Variants in ADAM10 observed in about 807,000 individuals in gnomAD.
ADAM10 encodes the protein disintegrin and metalloproteinase domain-containing protein 10.
In ADAM10, 17 loss-of-function variants were observed where a neutral mutation model predicts 90.1. That is an observed-to-expected ratio of 0.19 (90% CI 0.13 to 0.28). The LOEUF (loss-of-function observed/expected upper bound fraction) is 0.28. Ranked by LOEUF, ADAM10 falls within the 10% of genes least tolerant of loss-of-function variation. The pLI is 1.00. For synonymous variants in ADAM10, 310 were observed against 298.6 expected, an observed-to-expected ratio of 1.04 and a Z score of -0.40; for missense variants, 610 against 914.3, an observed-to-expected ratio of 0.67 and a Z score of 4.29.
At chr15:58,678,976 C>G in intron 4 of ADAM10, 148 bp downstream of exon 4, 1 of 764,468 alleles carries the variant, frequency 1.3e-6, no homozygotes, top group Non-Finnish European at 2.1e-6. Flanking sequence ...ATCTACTATT[C>G]CTTAAATAGC....
chr15:58,698,375 C>G (rs1276333489), intron 2 of ADAM10: 5 of 349,874 alleles, frequency 1.4e-5, no homozygotes, highest in African/African-American at 2.4e-5. Flanking sequence ...AGTTTGAGAC[C>G]AGCCTGGGCA....
intron 4 of ADAM10, among the ~76,000 whole-genome samples, chr15:58,675,900 G>A (rs574983672): frequency 5.1e-4 from 77 of 152,150 alleles, no homozygotes; most frequent in African/African-American, 1.8e-3. Flanking sequence ...CTTCTTTTTG[G>A]TAAGGATAAC....
At chr15:58,693,991 G>A (rs1328235326) in intron 2 of ADAM10, among the ~76,000 whole-genome samples, 7 of 152,172 alleles carry the variant, frequency 4.6e-5, no homozygotes, top group Non-Finnish European at 7.4e-5. Flanking sequence ...ACAAAGAAAT[G>A]TAAATCAGAA....
At chr15:58,665,326 GA>G in intron 4 of ADAM10, 129 bp from the exon 5 acceptor site, 1 of 772,634 alleles carries the variant, frequency 1.3e-6, no homozygotes, top group Non-Finnish European at 2.2e-6. Flanking sequence ...AGCACCTATG[GA>G]AAAGGCATTA....
At chr15:58,699,367 G>T (rs1416878921) in intron 2 of ADAM10, among the ~76,000 whole-genome samples, 1 of 152,160 alleles carries the variant, frequency 6.6e-6, no homozygotes. Context: ...AAGCTAACTG[G>T]TAGAGCAGAT....
intron 2 of ADAM10, among the ~76,000 whole-genome samples, chr15:58,682,783 G>A (rs546219113): frequency 1.3e-5 from 2 of 152,092 alleles, no homozygotes; most frequent in Non-Finnish European, 2.9e-5. Context: ...TTCTCAGAAA[G>A]ACAAGTGTGT....
intron 5 of ADAM10, among the ~76,000 whole-genome samples, chr15:58,647,486 G>A (rs1022989192): frequency 2.6e-5 from 4 of 151,330 alleles, no homozygotes; most frequent in Non-Finnish European, 5.9e-5. Flanking sequence ...AGATGGTCTC[G>A]ATCTCCTGAC....
At chr15:58,604,131 G>A (rs752684696) in intron 14 of ADAM10, among the ~76,000 whole-genome samples, 7 of 152,098 alleles carry the variant, frequency 4.6e-5, no homozygotes, top group African/African-American at 7.2e-5. Flanking sequence ...GGAAGCCGGG[G>A]CGGGTGGATC....
At position 58,617,769 on chromosome 15, in the gene ADAM10, T is replaced by C. The variant is rs1428404683; in HGVS notation, c.1511+3702A>G. ...AGTTGTGTTTCTATATACAAGAAAA[T>C]AGCAGAAAATCAATCTCATTTATAA... On this transcript the variant is annotated intron_variant, in intron 11 of 15. Transcript: ENST00000260408. Among the ~76,000 whole-genome samples, 3 of 151,450 alleles carry C rather than the reference T, an allele frequency of 2.0e-5. No homozygotes were observed. The East Asian group carries it at 5.8e-4, about 29-fold the overall frequency.
chr15:58,729,887 A>T (rs571872309), intron 1 of ADAM10, among the ~76,000 whole-genome samples: 2 of 151,464 alleles, frequency 1.3e-5, no homozygotes, highest in Non-Finnish European at 2.9e-5. Context: ...GCTTGAACCC[A>T]GGAGGCGGAG....
At chr15:58,731,520 C>G (rs1899240249) in intron 1 of ADAM10, among the ~76,000 whole-genome samples, 1 of 152,036 alleles carries the variant, frequency 6.6e-6, no homozygotes, top group Non-Finnish European at 1.5e-5. Flanking sequence ...CCCAGCTGCT[C>G]AAGAGGCTGA....
At chr15:58,719,902 A>G (rs1444747111) in intron 1 of ADAM10, among the ~76,000 whole-genome samples, 1 of 152,192 alleles carries the variant, frequency 6.6e-6, no homozygotes, top group African/African-American at 2.4e-5. Context: ...AATATTAGAG[A>G]GCCTACCAAA....
At chr15:58,728,235 AAAG>A (rs1899106197) in intron 1 of ADAM10, among the ~76,000 whole-genome samples, 1 of 152,232 alleles carries the variant, frequency 6.6e-6, no homozygotes, top group Non-Finnish European at 1.5e-5. Flanking sequence ...TTCATGGGTC[AAAG>A]AAGAAATCAA....
chr15:58,589,150 A>C lies in ADAM10; in HGVS notation c.*8397T>G, dbSNP rs538844730. 2 of 152,232 alleles carry C rather than the reference A, an allele frequency of 1.3e-5. No homozygotes were observed. Among genetic ancestry groups the C allele is most frequent in the African/African-American group, 4.8e-5 (2 of 41,468 alleles). 9.4% of individuals were successfully genotyped at this position (152,232 alleles called of 1,614,324 possible). ...ATTTACAAAGCACACAACAAAACAAATGTTTATTGAACACCTACTATAGCC... is the reference window on the plus strand; with the variant it reads ...ATTTACAAAGCACACAACAAAACAACTGTTTATTGAACACCTACTATAGCC... On this transcript the variant is annotated 3_prime_UTR_variant, in exon 16 of 16. Transcript: ENST00000260408.
At chr15:58,613,539 A>G (rs1253727086) in intron 11 of ADAM10, among the ~76,000 whole-genome samples, 1 of 152,188 alleles carries the variant, frequency 6.6e-6, no homozygotes, top group African/African-American at 2.4e-5. Flanking sequence ...AAATATAGAT[A>G]AAAAATTCAA....
chr15:58,598,550 G>C (rs1895021241), intron 15 of ADAM10, among the ~76,000 whole-genome samples: 1 of 152,184 alleles, frequency 6.6e-6, no homozygotes, highest in Admixed American at 6.5e-5. Flanking sequence ...ACCTAGTTTT[G>C]AACTACTTTG....
At chr15:58,659,327 C>A (rs1293481979) in intron 5 of ADAM10, among the ~76,000 whole-genome samples, 1 of 151,894 alleles carries the variant, frequency 6.6e-6, no homozygotes, top group Non-Finnish European at 1.5e-5. Flanking sequence ...AGGACTTAGT[C>A]TCTCACTTTT....
At position 58,591,146 on chromosome 15, in the gene ADAM10, AG is replaced by A. The variant is rs1322527050; in HGVS notation, c.*6400del. On this transcript the variant is annotated 3_prime_UTR_variant, in exon 16 of 16. Coordinates refer to ENST00000260408, the MANE Select transcript of ADAM10 (RefSeq NM_001110.4). ...TAGTTAGCTAAGCCCTTCAACAGTG[AG>A]AGAGAGAGAGAGAGACAGAGCAAAC... 4.8e-5 allele frequency: 4 copies of A among 82,600 alleles called. No individual in the cohort carries two copies. The highest frequency in any genetic ancestry group is 4.5e-4 in the African/African-American group (4 of 8,806). The allele number at this position is 82,600 out of a possible 1,614,324, so 5.1% of individuals were successfully genotyped here.
At chr15:58,610,628 A>G (rs1895412771) in intron 13 of ADAM10, 111 bp from the exon 14 acceptor site, 1 of 1,002,880 alleles carries the variant, frequency 1.0e-6, no homozygotes, top group Non-Finnish European at 1.5e-6. Context: ...AATCATTACC[A>G]TAACATGTTA....
Sources: allele counts gnomAD v4.1 joint callset (sites outside exome capture counted in the v4.1 genomes callset), GRCh38; gene constraint gnomAD v4.1.1; transcripts MANE v1.5; gene names NCBI Gene and HGNC (gene_info 2026-07-23, HGNC 2026-07-21).